The following FANCI variants were observed in gnomAD, a reference collection of about 807,000 sequenced individuals.
The protein encoded by FANCI is FA complementation group I.
FANCI carries 156 observed loss-of-function variants against 176.1 expected under a neutral mutation model. The observed-to-expected ratio is 0.89, with a 90% confidence interval of 0.78 to 1.01. FANCI has a LOEUF of 1.01. FANCI is among the 50% of genes least tolerant of loss of function. FANCI has a pLI of 0.00. For missense variants in FANCI, 1,678 were observed against 1,534.1 expected (o/e 1.09, Z -1.57); for synonymous variants, 613 against 541.7 (o/e 1.13, Z -1.83).
At chr15:89,294,224 G>A (rs1336408490) in intron 23 of FANCI, among the ~76,000 whole-genome samples, 1 of 152,140 alleles carries the variant, frequency 6.6e-6, no homozygotes, top group Non-Finnish European at 1.5e-5. Flanking sequence ...GAAAAGATAG[G>A]GATGAATTCC....
At chr15:89,265,680 C>G (rs187964467) in intron 9 of FANCI, among the ~76,000 whole-genome samples, 2 of 151,918 alleles carry the variant, frequency 1.3e-5, no homozygotes, top group African/African-American at 2.4e-5. Flanking sequence ...TGCGCCACCA[C>G]GCCCAGCTAA....
At chr15:89,261,080 A>G (rs2151258294) in intron 4 of FANCI, among the ~76,000 whole-genome samples, 1 of 152,242 alleles carries the variant, frequency 6.6e-6, no homozygotes, top group East Asian at 1.9e-4. Context: ...CCTCTGCAAC[A>G]TGGTGAAACC....
At chr15:89,280,470 T>TA (rs2053573192) in intron 14 of FANCI, among the ~76,000 whole-genome samples, 1 of 152,216 alleles carries the variant, frequency 6.6e-6, no homozygotes, top group Non-Finnish European at 1.5e-5. Context: ...GTCTTAAACT[T>TA]ACCTTTCTCA....
Position 89,293,862 on chromosome 15 carries a change from T to C in FANCI, c.2321T>C (p.Leu774Ser). ...AATAGGTTTGAGGACATTCTGAGCT[T>C]ATTTATGTGTTACAAAAAACTCTCT... is the stretch of plus-strand genomic sequence containing the variant. ...SKNRFEDILS[L>S]FMCYKKLSDI... Residue 774 changes from leucine (L) to serine (S), a missense_variant, in exon 23 of 38, where the codon TTA (leucine) becomes TCA (serine). Leu to Ser is a moderately radical substitution (Grantham distance 145). This residue lies in a region of FANCI where 1,204 missense variants were observed against 1,077.4 expected (regional missense o/e 1.12). Transcript: ENST00000310775. The C allele has an allele frequency of 6.2e-7, 1 of 1,614,158 alleles. No individual in the cohort carries two copies. The highest frequency in any genetic ancestry group is 1.1e-5 in the South Asian group (1 of 91,074).
chr15:89,315,986 A>C (rs2055231017), intron 37 of FANCI, among the ~76,000 whole-genome samples: 1 of 152,248 alleles, frequency 6.6e-6, no homozygotes, highest in Non-Finnish European at 1.5e-5. Flanking sequence ...GGAAGTTTAC[A>C]TACAAGTGCC....
Position 89,305,718 on chromosome 15 carries a change from G to T in FANCI, c.3349+20G>T, listed in dbSNP as rs2054692941. ...TATCAGGTAAGATAAGTTCAACTGG[G>T]ATTCCAGGAATTGACATGAGCAAGG... On this transcript the variant is annotated intron_variant, in intron 31 of 37. Transcript: ENST00000310775. 1.9e-6 allele frequency: 3 copies of T among 1,610,128 alleles called. No individual in the cohort carries two copies. The highest frequency in any genetic ancestry group is 2.6e-6 in the Non-Finnish European group (3 of 1,176,356).
intron 24 of FANCI, among the ~76,000 whole-genome samples, chr15:89,298,204 TACAC>T (rs764379662): frequency 3.9e-5 from 6 of 152,026 alleles, no homozygotes; most frequent in African/African-American, 1.5e-4. Flanking sequence ...ACCTTCAAAA[TACAC>T]ACTTCTTTTT....
intron 18 of FANCI, among the ~76,000 whole-genome samples, chr15:89,289,718 AT>A (rs879816431): frequency 3.0e-3 from 428 of 142,818 alleles, no homozygotes; most frequent in Middle Eastern, 3.7e-3. Flanking sequence ...TCTCCCCAGG[AT>A]TTTTTTTTTT....
chr15:89,307,258 G>C (rs1158502662), intron 32 of FANCI, among the ~76,000 whole-genome samples: 1 of 152,218 alleles, frequency 6.6e-6, no homozygotes, highest in Non-Finnish European at 1.5e-5. Flanking sequence ...AATTTTTAAA[G>C]AAATGAGCAA....
At chr15:89,263,581 G>C in intron 7 of FANCI, 121 bp downstream of exon 7, 2 of 952,032 alleles carry the variant, frequency 2.1e-6, no homozygotes, top group Non-Finnish European at 3.3e-6. Context: ...TAGTAGTTAT[G>C]TTTTCTGTTA....
chr15:89,316,261 TGTGAGTG>T (rs2055251543), intron 37 of FANCI, 129 bp from the exon 38 acceptor site: 1 of 874,872 alleles, frequency 1.1e-6, no homozygotes, highest in East Asian at 2.7e-5. Flanking sequence ...AATTACCTCC[TGTGAGTG>T]GGAAAGTGGG....
intron 15 of FANCI, among the ~76,000 whole-genome samples, chr15:89,281,513 C>G (rs1490193418): frequency 6.6e-6 from 1 of 152,190 alleles, no homozygotes; most frequent in Non-Finnish European, 1.5e-5. Context: ...AACTCATTTT[C>G]AAGTTAATGA....
Position 89,316,592 on chromosome 15 carries a change from C to G in FANCI, c.*133C>G. 9.0e-7 allele frequency: 1 copy of G among 1,110,746 alleles called. No homozygotes were observed. 68.8% of individuals were successfully genotyped at this position (1,110,746 alleles called of 1,614,324 possible). ...CTGAACCCACTGAATTCAACTGCAC[C>G]TTCAGTTAGAAGGAATCTTCTTGGC... On this transcript the variant is annotated 3_prime_UTR_variant, in exon 38 of 38. Transcript: ENST00000310775.
intron 14 of FANCI, 108 bp from the exon 15 acceptor site, chr15:89,281,062 T>TAAAA: frequency 8.6e-7 from 1 of 1,158,252 alleles, no homozygotes; most frequent in Non-Finnish European, 1.3e-6. Context: ...ATACTTGACT[T>TAAAA]ATTTGAGAAA....
chr15:89,308,201 T>G, intron 34 of FANCI: 40 of 1,000,598 alleles, frequency 4.0e-5, no homozygotes, highest in East Asian at 8.8e-5. Flanking sequence ...CATGTTGCGC[T>G]AGATAATTCT....
At chr15:89,307,728 C>T (rs1013842052) in intron 34 of FANCI, 56 bp downstream of exon 34, 3 of 1,613,806 alleles carry the variant, frequency 1.9e-6, no homozygotes, top group African/African-American at 2.7e-5. Flanking sequence ...TTCTTACATG[C>T]CCAGGGGACT....
chr15:89,315,592 G>A (rs946795720), intron 37 of FANCI, among the ~76,000 whole-genome samples: 1 of 152,226 alleles, frequency 6.6e-6, no homozygotes, highest in Non-Finnish European at 1.5e-5. Context: ...CGACTTGTTT[G>A]ATAAACACTT....
intron 14 of FANCI, among the ~76,000 whole-genome samples, chr15:89,279,303 G>A (rs1190057953): frequency 7.2e-5 from 11 of 152,078 alleles, no homozygotes; most frequent in African/African-American, 2.4e-4. Context: ...GATTACAGGC[G>A]CACGCTACCA....
rs747307266 is a variant in FANCI at position 89,292,856 on chromosome 15, T to A, written c.2161T>A (p.Phe721Ile). 6.2e-7 allele frequency: 1 copy of A among 1,614,118 alleles called. No individual in the cohort carries two copies. The highest frequency in any genetic ancestry group is 2.2e-5 in the East Asian group (1 of 44,848). ...AATGATTAAGAGTGAGCTGGAAGAC[T>A]TTGAACTGGTAATTGCTAAGTCCTC... ...NRMIKSELED[F>I]ELDKSADFSQ... The change falls in exon 21 of 38, where the codon TTT becomes ATT. Residue 721 changes from phenylalanine (F) to isoleucine (I), a missense_variant. Phe to Ile is a conservative substitution (Grantham distance 21). This residue lies in a region of FANCI where 1,204 missense variants were observed against 1,077.4 expected (regional missense o/e 1.12). Transcript: ENST00000310775.
Sources: gnomAD v4.1 joint callset for allele counts (sites outside exome capture counted in the v4.1 genomes callset) on GRCh38, gnomAD v4.1.1 for gene constraint, gnomAD v4.1.1 regional missense constraint, MANE v1.5 for transcripts, NCBI Gene and HGNC (gene_info 2026-07-23, HGNC 2026-07-21) for gene names.